EPB41L4B: variants seen among roughly 807,000 people sequenced by gnomAD.
EPB41L4B encodes the protein erythrocyte membrane protein band 4.1 like 4B.
EPB41L4B carries 30 observed loss-of-function variants against 112.5 expected under a neutral mutation model. The observed-to-expected ratio is 0.27, with a 90% CI of 0.20 to 0.36. EPB41L4B has a LOEUF of 0.36. Ranked by LOEUF, EPB41L4B falls within the 10% of genes least tolerant of loss-of-function variation. The pLI is 1.00. For synonymous variants in EPB41L4B, 408 were observed against 439.7 expected, an observed-to-expected ratio of 0.93 and a Z score of 0.90; for missense variants, 1,024 against 1,133.3, an observed-to-expected ratio of 0.90 and a Z score of 1.38.
chr9:109,289,068 C>T (rs1439008024), intron 1 of EPB41L4B, among the ~76,000 whole-genome samples: 2 of 152,106 alleles, frequency 1.3e-5, no homozygotes. Context: ...ATGGTCTTTC[C>T]GTAAACACAG....
chr9:109,277,743 G>A (rs1256136613), intron 2 of EPB41L4B, among the ~76,000 whole-genome samples: 1 of 152,192 alleles, frequency 6.6e-6, no homozygotes, highest in African/African-American at 2.4e-5. Context: ...AGGCCTGGCT[G>A]GGGCTGGGAG....
At chr9:109,261,501 C>T (rs1398808705) in intron 6 of EPB41L4B, among the ~76,000 whole-genome samples, 15 of 151,958 alleles carry the variant, frequency 9.9e-5, no homozygotes, top group Admixed American at 9.8e-4. Context: ...TTCAAGACAA[C>T]AGGAATTAAA....
chr9:109,209,842 T>A (rs1221698126), intron 17 of EPB41L4B, among the ~76,000 whole-genome samples: 1 of 152,018 alleles, frequency 6.6e-6, no homozygotes, highest in Admixed American at 6.6e-5. Flanking sequence ...ACAAAGCAGA[T>A]AGATGGTAAG....
chr9:109,288,874 G>A (rs1363868735), intron 1 of EPB41L4B, among the ~76,000 whole-genome samples: 2 of 151,446 alleles, frequency 1.3e-5, no homozygotes, highest in East Asian at 3.9e-4. Flanking sequence ...ACTCTAGCCT[G>A]GATAACACAG....
At chr9:109,215,929 A>G (rs1833347552) in intron 16 of EPB41L4B, among the ~76,000 whole-genome samples, 1 of 152,146 alleles carries the variant, frequency 6.6e-6, no homozygotes, top group African/African-American at 2.4e-5. Flanking sequence ...GTTCAAGACC[A>G]TCCTGGGCAA....
chr9:109,220,939 T>G (rs1833552880), intron 15 of EPB41L4B, among the ~76,000 whole-genome samples: 1 of 152,044 alleles, frequency 6.6e-6, no homozygotes, highest in African/African-American at 2.4e-5. Context: ...TGAGTTGGAG[T>G]GGAAAAACCT....
Position 109,269,726 on chromosome 9 carries a change from T to C in EPB41L4B, c.412-1293A>G, listed in dbSNP as rs1329815242. ...TCTGTTAGAAAGACGGCTGGGGTGATACAAGCAGAGTGGGCTACTCATGAG... is the reference window on the plus strand; with the variant it reads ...TCTGTTAGAAAGACGGCTGGGGTGACACAAGCAGAGTGGGCTACTCATGAG... On this transcript the variant is annotated intron_variant, in intron 2 of 25. Transcript: ENST00000374566. 2.0e-5 allele frequency among the ~76,000 whole-genome samples: 3 copies of C among 152,314 alleles called. No homozygotes were observed. The East Asian group carries it at 5.8e-4, about 29-fold the overall frequency.
rs1417350729 is a variant in EPB41L4B at position 109,320,219 on chromosome 9, G to T, written c.228C>A (p.Ser76=). 18 of 1,421,468 alleles carry T rather than the reference G, an allele frequency of 1.3e-5. No homozygotes were observed. In the East Asian group the frequency reaches 5.5e-4, roughly 43 times the overall value. The allele number at this position is 1,421,468 out of a possible 1,614,324, so 88.1% of individuals were successfully genotyped here. A position where few individuals can be genotyped will look rare whatever the true frequency, so the allele number is the denominator to read the frequency against. Reference sequence around the variant, plus strand: ...GGGTGGCCTTGGCGGCGCCGGCGGCGGAGATGTGCACGGCCGCGCCGCCGG... The same window carrying T: ...GGGTGGCCTTGGCGGCGCCGGCGGCTGAGATGTGCACGGCCGCGCCGCCGG... ...LLTGGAAVHI[S]AAGAAKATLY... The change falls in exon 1 of 26, where the codon TCC becomes TCA. Residue 76 remains serine, a synonymous_variant. Coordinates refer to ENST00000374566, the MANE Select transcript of EPB41L4B (RefSeq NM_019114.5).
At chr9:109,243,527 C>A in intron 15 of EPB41L4B, 91 bp downstream of exon 15, 2 of 1,254,772 alleles carry the variant, frequency 1.6e-6, no homozygotes, top group Non-Finnish European at 1.2e-6. Flanking sequence ...ATTTCTGATG[C>A]AGACTTTCTA....
At chr9:109,276,758 G>T (rs919364189) in intron 2 of EPB41L4B, among the ~76,000 whole-genome samples, 1 of 152,232 alleles carries the variant, frequency 6.6e-6, no homozygotes, top group Admixed American at 6.5e-5. Flanking sequence ...TGGAGTCACA[G>T]ACTTGGCTTT....
At chr9:109,252,268 T>G (rs1834816995) in intron 12 of EPB41L4B, among the ~76,000 whole-genome samples, 1 of 152,202 alleles carries the variant, frequency 6.6e-6, no homozygotes, top group Non-Finnish European at 1.5e-5. Context: ...AAATTGTTCC[T>G]TACACTGAGC....
At chr9:109,259,189 C>G (rs1369762214) in intron 6 of EPB41L4B, among the ~76,000 whole-genome samples, 1 of 152,222 alleles carries the variant, frequency 6.6e-6, no homozygotes, top group Non-Finnish European at 1.5e-5. Context: ...CACCCCAGAC[C>G]TATTCAAGCA....
intron 11 of EPB41L4B, among the ~76,000 whole-genome samples, chr9:109,255,304 T>A (rs369925252): frequency 6.6e-4 from 101 of 152,376 alleles, no homozygotes; most frequent in African/African-American, 2.4e-3. Context: ...AAATGTCAGT[T>A]ATTAACAATT....
At chr9:109,239,142 A>G (rs1013297877) in intron 15 of EPB41L4B, among the ~76,000 whole-genome samples, 1 of 152,204 alleles carries the variant, frequency 6.6e-6, no homozygotes, top group African/African-American at 2.4e-5. Flanking sequence ...AGCCAGAGAA[A>G]AGATGCTCCT....
At chr9:109,261,323 G>A (rs1835195169) in intron 6 of EPB41L4B, among the ~76,000 whole-genome samples, 2 of 151,874 alleles carry the variant, frequency 1.3e-5, no homozygotes, top group South Asian at 4.2e-4. Flanking sequence ...TGGGGTGAGG[G>A]GGGTCTCTCC....
At chr9:109,257,576 C>T (rs1434902172) in intron 7 of EPB41L4B, among the ~76,000 whole-genome samples, 1 of 152,130 alleles carries the variant, frequency 6.6e-6, no homozygotes, top group Non-Finnish European at 1.5e-5. Flanking sequence ...TGTGAGAGTG[C>T]CTGGGATGCC....
chr9:109,289,640 A>G (rs1836451219), intron 1 of EPB41L4B, among the ~76,000 whole-genome samples: 1 of 152,044 alleles, frequency 6.6e-6, no homozygotes, highest in Non-Finnish European at 1.5e-5. Context: ...GAACCCTGTT[A>G]CTCCTGTCAT....
At chr9:109,235,473 G>T (rs1344699057) in intron 15 of EPB41L4B, among the ~76,000 whole-genome samples, 1 of 139,976 alleles carries the variant, frequency 7.1e-6, no homozygotes, top group Non-Finnish European at 1.5e-5. Context: ...TTGGCTCACT[G>T]CAACCTCTGC....
At chr9:109,277,558 C>T (rs1037864934) in intron 2 of EPB41L4B, among the ~76,000 whole-genome samples, 4 of 152,166 alleles carry the variant, frequency 2.6e-5, no homozygotes, top group Non-Finnish European at 4.4e-5. Flanking sequence ...CTCTGCTGAA[C>T]CTGTGATCGG....
Sources: gnomAD v4.1 joint callset for allele counts (sites outside exome capture counted in the v4.1 genomes callset) on GRCh38, gnomAD v4.1.1 for gene constraint, MANE v1.5 for transcripts, NCBI Gene and HGNC (gene_info 2026-07-23, HGNC 2026-07-21) for gene names.